The following WNT7B variants were observed in gnomAD, a reference collection of about 807,000 sequenced individuals.
WNT7B encodes the protein protein Wnt-7b.
Under a neutral mutation model 38.2 loss-of-function variants are expected in WNT7B, and 19 were observed. That is an observed-to-expected ratio of 0.50 (90% CI 0.35 to 0.73). The LOEUF is 0.73. WNT7B is among the 30% of genes least tolerant of loss of function. The pLI, the probability that WNT7B is intolerant of heterozygous loss-of-function variation, is 0.01. For synonymous variants in WNT7B, 243 were observed against 209.3 expected (o/e 1.16, Z -1.39); for missense variants, 423 against 507.9 (o/e 0.83, Z 1.61).
rs773716654 is a variant in WNT7B at position 45,931,077 on chromosome 22, CCAGCCG to C, written c.570+15_570+20del. 1.6e-4 allele frequency: 242 copies of C among 1,548,328 alleles called. No individual in the cohort carries two copies. The highest frequency in any genetic ancestry group is 2.0e-4 in the Non-Finnish European group (231 of 1,148,456). On this transcript the variant is annotated intron_variant, in intron 3 of 3. Transcript: ENST00000339464. ...ACAGCGGTCCCAGCTACGGCCCCCA[CCAGCCG>C]CACCCGCACCCTACCTTCCTGCCGG...
intron 1 of WNT7B, among the ~76,000 whole-genome samples, chr22:45,974,027 G>A (rs1932504455): frequency 6.6e-6 from 1 of 152,150 alleles, no homozygotes; most frequent in Admixed American, 6.5e-5. Flanking sequence ...AGATGCCCTG[G>A]AATACACCAT....
intron 3 of WNT7B, among the ~76,000 whole-genome samples, chr22:45,928,718 C>T (rs1456415677): frequency 6.6e-6 from 1 of 152,174 alleles, no homozygotes; most frequent in Non-Finnish European, 1.5e-5. Flanking sequence ...GGGGTTCACA[C>T]AGCACCCTAG....
At chr22:45,924,570 A>AG (rs1182993235) in intron 3 of WNT7B, among the ~76,000 whole-genome samples, 5 of 152,264 alleles carry the variant, frequency 3.3e-5, no homozygotes, top group African/African-American at 1.2e-4. Context: ...ACAGCATTCC[A>AG]GGAGGGGTTC....
intron 1 of WNT7B, among the ~76,000 whole-genome samples, chr22:45,956,866 G>A (rs1932075226): frequency 6.6e-6 from 1 of 152,174 alleles, no homozygotes; most frequent in African/African-American, 2.4e-5. Flanking sequence ...CCAGCACTTT[G>A]GGAGGCTGAG....
intron 1 of WNT7B, chr22:45,972,116 G>GGCCCCCCCCCCCCCCCCCCCCC: frequency 7.5e-6 from 4 of 530,740 alleles, no homozygotes; most frequent in Non-Finnish European, 1.3e-5. Flanking sequence ...CCCGGGGGGA[G>GGCCCCCCCCCCCCCCCCCCCCC]CCCACCCGCC....
intron 2 of WNT7B, among the ~76,000 whole-genome samples, chr22:45,948,626 GGC>G (rs1470436141): frequency 6.6e-6 from 1 of 152,146 alleles, no homozygotes; most frequent in African/African-American, 2.4e-5. Flanking sequence ...CAGCCTGGAG[GGC>G]AGGGTACATC....
chr22:45,949,687 A>G (rs1931883875), intron 2 of WNT7B, among the ~76,000 whole-genome samples: 1 of 152,236 alleles, frequency 6.6e-6, no homozygotes, highest in South Asian at 2.1e-4. Context: ...AGCCCCGAGC[A>G]AGGACCTTCA....
chr22:45,954,166 C>A (rs887920577), intron 1 of WNT7B, among the ~76,000 whole-genome samples: 4 of 152,186 alleles, frequency 2.6e-5, no homozygotes, highest in Admixed American at 6.5e-5. Flanking sequence ...CCCAAAACCA[C>A]GTACTGTGTG....
chr22:45,976,529 G>A lies in WNT7B; in HGVS notation c.71+155C>T, dbSNP rs1932554976. 6.6e-6 allele frequency among the ~76,000 whole-genome samples: 1 copy of A among 151,804 alleles called. No individual in the cohort carries two copies. Among genetic ancestry groups the A allele is most frequent in the African/African-American group, 2.4e-5 (1 of 41,402 alleles). ...AGGGGGTTGGGCTGCGTCTCTGCTG[G>A]CGTGGGGCGAGGGTCTGACACACGG... is the stretch of plus-strand genomic sequence containing the variant. On this transcript the variant is annotated intron_variant, in intron 1 of 3. Coordinates refer to ENST00000339464, the MANE Select transcript of WNT7B (RefSeq NM_058238.3). The surrounding 1 kb of genome is among the most constrained non-coding windows in gnomAD (Gnocchi z 8.5).
intron 3 of WNT7B, among the ~76,000 whole-genome samples, chr22:45,929,875 A>T (rs111500330): frequency 8.3e-5 from 8 of 96,396 alleles, no homozygotes; most frequent in African/African-American, 2.3e-4. Context: ...CATCCATCCA[A>T]CCATCTACCC....
intron 2 of WNT7B, among the ~76,000 whole-genome samples, chr22:45,936,567 G>C (rs1376411463): frequency 6.6e-6 from 1 of 152,264 alleles, no homozygotes; most frequent in Non-Finnish European, 1.5e-5. Context: ...GGGCCATCCA[G>C]CTCTGCTCCC....
chr22:45,952,505 TA>T (rs1931957184), intron 1 of WNT7B, among the ~76,000 whole-genome samples: 2 of 152,300 alleles, frequency 1.3e-5, no homozygotes, highest in Non-Finnish European at 2.9e-5. Flanking sequence ...CAGCCCAAAG[TA>T]ATTGTAGATC....
intron 2 of WNT7B, among the ~76,000 whole-genome samples, chr22:45,940,736 G>A (rs1931624647): frequency 3.9e-5 from 6 of 152,208 alleles, no homozygotes; most frequent in Admixed American, 3.9e-4. Flanking sequence ...AGCAGGGTAG[G>A]GTGGCTGGAG....
intron 1 of WNT7B, among the ~76,000 whole-genome samples, chr22:45,957,490 C>A (rs1177714739): frequency 6.6e-6 from 1 of 151,782 alleles, no homozygotes; most frequent in African/African-American, 2.4e-5. Context: ...TTGAGACCAG[C>A]CTAGCCAACA....
intron 3 of WNT7B, among the ~76,000 whole-genome samples, chr22:45,929,430 A>C (rs1390987305): frequency 6.7e-6 from 1 of 149,252 alleles, no homozygotes; most frequent in Non-Finnish European, 1.5e-5. Flanking sequence ...TCATCCATCC[A>C]CCCACCCACT....
At chr22:45,971,643 G>A (rs1047482514) in intron 1 of WNT7B, among the ~76,000 whole-genome samples, 7 of 152,236 alleles carry the variant, frequency 4.6e-5, no homozygotes, top group Non-Finnish European at 7.3e-5. Flanking sequence ...GCGAGAAGCC[G>A]CAGCGACTTC....
chr22:45,930,956 G>T, intron 3 of WNT7B, 142 bp downstream of exon 3: 3 of 1,177,914 alleles, frequency 2.5e-6, no homozygotes, highest in Non-Finnish European at 2.3e-6. Context: ...CCATGCACGT[G>T]GAGGACCCAG....
intron 3 of WNT7B, among the ~76,000 whole-genome samples, chr22:45,928,657 C>T (rs1485521825): frequency 3.0e-5 from 3 of 99,076 alleles, no homozygotes; most frequent in East Asian, 5.4e-4. Context: ...TCTGCCTTTC[C>T]ATCACTTGTG....
chr22:45,956,330 C>T (rs1037160237), intron 1 of WNT7B, among the ~76,000 whole-genome samples: 9 of 152,342 alleles, frequency 5.9e-5, no homozygotes, highest in East Asian at 1.9e-4. Context: ...CAGTGACAGC[C>T]CTCATTATTA....
Sources: gnomAD v4.1 joint callset for allele counts (sites outside exome capture counted in the v4.1 genomes callset) on GRCh38, gnomAD v4.1.1 for gene constraint, Gnocchi (gnomAD v3.1) non-coding constraint, MANE v1.5 for transcripts, NCBI Gene and HGNC (gene_info 2026-07-23, HGNC 2026-07-21) for gene names.